DBNDD1: variants seen among roughly 807,000 people sequenced by gnomAD.
The protein encoded by DBNDD1 is dysbindin domain containing 1.
Under a neutral mutation model 17.0 loss-of-function variants are expected in DBNDD1, and 14 were observed. The observed-to-expected ratio is 0.82, with a 90% CI of 0.54 to 1.29. The LOEUF is 1.29. DBNDD1 is among the 50% of genes most tolerant of loss of function. The pLI is 0.00. For synonymous variants in DBNDD1, 105 were observed against 102.0 expected (o/e 1.03, Z -0.18); for missense variants, 221 against 216.2 (o/e 1.02, Z -0.14).
rs947216755 is a variant in DBNDD1, at chr16:90,006,112, G to A, written c.*223C>T. 12 of 637,776 alleles carry A rather than the reference G, an allele frequency of 1.9e-5. No individual in the cohort carries two copies. The highest frequency in any genetic ancestry group is 2.8e-5 in the Non-Finnish European group (11 of 392,324). The allele number at this position is 637,776 out of a possible 1,614,324, so 39.5% of individuals were successfully genotyped here. A position where few individuals can be genotyped will look rare whatever the true frequency, so the allele number is the denominator to read the frequency against. ...CCAGAGGCATCCGGGGGCCCCGTGT[G>A]TCCCCCAGGAAAGCCGGCTGGTCTC... On this transcript the variant is annotated 3_prime_UTR_variant, in exon 4 of 4. Transcript: ENST00000002501.
At chr16:90,011,149 C>T (rs1408842311) in intron 1 of DBNDD1, among the ~76,000 whole-genome samples, 2 of 152,244 alleles carry the variant, frequency 1.3e-5, no homozygotes, top group African/African-American at 4.8e-5. Context: ...CAGCCCCCAG[C>T]GGTGAGCACT....
At chr16:90,016,803 C>A (rs2035649256) in intron 1 of DBNDD1, among the ~76,000 whole-genome samples, 1 of 152,234 alleles carries the variant, frequency 6.6e-6, no homozygotes, top group African/African-American at 2.4e-5. Flanking sequence ...ATCGAGGAGG[C>A]ACTTGGCACA....
chr16:90,008,096 C>T (rs57349948), intron 3 of DBNDD1, among the ~76,000 whole-genome samples: 1 of 121,540 alleles, frequency 8.2e-6, no homozygotes, highest in Non-Finnish European at 1.7e-5. Flanking sequence ...CAGCCCACCA[C>T]ACACACCTCC....
upstream of DBNDD1, chr16:90,019,788 C>G (rs963782757): frequency 1.0e-5 from 7 of 690,562 alleles, no homozygotes; most frequent in Non-Finnish European, 1.8e-5. The surrounding 1 kb of genome is among the most constrained non-coding windows in gnomAD (Gnocchi z 6.1). Flanking sequence ...TGTGGGGCGC[C>G]GACTGTGTGC....
At chr16:90,013,985 C>A (rs914219264) in intron 1 of DBNDD1, among the ~76,000 whole-genome samples, 1 of 151,610 alleles carries the variant, frequency 6.6e-6, no homozygotes, top group Non-Finnish European at 1.5e-5. Flanking sequence ...CAGCTGGGGG[C>A]TGTGAGGCAG....
chr16:90,013,278 A>AAAAAAAAAAAAAAAAAAAAAAAAAAAAAC (rs1382498689), intron 1 of DBNDD1, among the ~76,000 whole-genome samples: 1 of 149,260 alleles, frequency 6.7e-6, no homozygotes, highest in Non-Finnish European at 1.5e-5. Context: ...AAAAAAAAAA[A>AAAAAAAAAAAAAAAAAAAAAAAAAAAAAC]AAAAAGACAG....
intron 3 of DBNDD1, 105 bp from the exon 4 acceptor site, chr16:90,006,597 T>C: frequency 7.1e-7 from 1 of 1,404,492 alleles, no homozygotes; most frequent in Non-Finnish European, 9.6e-7. Context: ...GCCAATGCTC[T>C]GCACCAGCCC....
chr16:90,009,723 G>T, intron 1 of DBNDD1: 1 of 624,764 alleles, frequency 1.6e-6, no homozygotes, highest in East Asian at 2.8e-5. Flanking sequence ...GACCATGCAG[G>T]CGTGGAAGTC....
rs1213552873 is a variant in DBNDD1 at position 90,019,348 on chromosome 16, G to C, written c.-7C>G. The C allele has an allele frequency of 1.6e-6, 2 of 1,217,070 alleles. No individual in the cohort carries two copies. Among genetic ancestry groups the C allele is most frequent in the Non-Finnish European group, 1.0e-6 (1 of 978,254 alleles). The allele number at this position is 1,217,070 out of a possible 1,614,324, so 75.4% of individuals were successfully genotyped here. On this transcript the variant is annotated 5_prime_UTR_variant, in exon 1 of 4. Coordinates refer to ENST00000002501, the MANE Select transcript of DBNDD1 (RefSeq NM_001042610.3). The surrounding 1 kb of genome is among the most constrained non-coding windows in gnomAD (Gnocchi z 6.1). ...CGCCCTCCGGGGGCTCCATGCGGCC[G>C]GTGCGGTCTGGGAGGGGCACGGGCG...
intron 3 of DBNDD1, 39 bp downstream of exon 3, chr16:90,008,745 C>G (rs1254822199): frequency 6.4e-7 from 1 of 1,574,028 alleles, no homozygotes; most frequent in Non-Finnish European, 8.6e-7. Context: ...CTCAGCCCAC[C>G]AGGCACACCT....
intron 1 of DBNDD1, among the ~76,000 whole-genome samples, chr16:90,013,098 A>G (rs2035582907): frequency 6.6e-6 from 1 of 151,404 alleles, no homozygotes. Flanking sequence ...CAGGTGGGGC[A>G]GGTGGTTCTG....
At position 90,019,237 on chromosome 16, in the gene DBNDD1, C is replaced by A. The variant is rs1311383154; in HGVS notation, c.31+74G>T. 2.6e-6 allele frequency: 2 copies of A among 775,196 alleles called. No homozygotes were observed. Among genetic ancestry groups the A allele is most frequent in the Non-Finnish European group, 3.5e-6 (2 of 576,108 alleles). The allele number at this position is 775,196 out of a possible 1,614,324, so 48.0% of individuals were successfully genotyped here. On this transcript the variant is annotated intron_variant, in intron 1 of 3. Transcript: ENST00000002501. This position sits in a 1 kb window ranked among gnomAD's most constrained non-coding sequence, Gnocchi z 6.1. Reference sequence around the variant, plus strand: ...ACTCCCGGGAGCGGCGAAGGGTGAGCCCTGGGGGGAGGGGCTGCGGCTCGC... The same window carrying A: ...ACTCCCGGGAGCGGCGAAGGGTGAGACCTGGGGGGAGGGGCTGCGGCTCGC...
intron 1 of DBNDD1, chr16:90,011,601 G>A (rs375585388): frequency 4.4e-5 from 20 of 450,880 alleles, no homozygotes; most frequent in South Asian, 6.3e-5. Flanking sequence ...CTGAGAAGCC[G>A]AGTGCTGTGT....
upstream of DBNDD1, chr16:90,019,796 T>G (rs2035746792): frequency 1.5e-6 from 1 of 688,680 alleles, no homozygotes; most frequent in Admixed American, 2.2e-5. The surrounding 1 kb of genome is among the most constrained non-coding windows in gnomAD (Gnocchi z 6.1). Context: ...GCCGACTGTG[T>G]GCGGGCGCCC....
At chr16:90,018,392 G>A (rs1283965681) in intron 1 of DBNDD1, among the ~76,000 whole-genome samples, 1 of 152,246 alleles carries the variant, frequency 6.6e-6, no homozygotes, top group African/African-American at 2.4e-5. Flanking sequence ...GGCTCCAGAG[G>A]ATGCCACTGT....
In DBNDD1 at chr16:90,014,733, G is replaced by A. The variant is rs529850309; in HGVS notation, c.31+4578C>T. 6.0e-4 allele frequency among the ~76,000 whole-genome samples: 92 copies of A among 152,186 alleles called. 1 individual carries two copies. Among genetic ancestry groups the A allele is most frequent in the East Asian group, 1.9e-4 (1 of 5,132 alleles). On this transcript the variant is annotated intron_variant, in intron 1 of 3. Coordinates refer to ENST00000002501, the MANE Select transcript of DBNDD1 (RefSeq NM_001042610.3). Reference sequence around the variant, plus strand: ...AAGAAGTATCCTTTCGGCCGGGCGCGGTGGCTCACGCCTGTAATCCCAGCA... The same window carrying A: ...AAGAAGTATCCTTTCGGCCGGGCGCAGTGGCTCACGCCTGTAATCCCAGCA...
At chr16:90,018,624 G>T (rs111421176) in intron 1 of DBNDD1, among the ~76,000 whole-genome samples, 5 of 152,228 alleles carry the variant, frequency 3.3e-5, no homozygotes, top group African/African-American at 1.2e-4. Flanking sequence ...GATCGGGAAG[G>T]GGGGAGGTTC....
chr16:90,017,346 T>C (rs188645944), intron 1 of DBNDD1, among the ~76,000 whole-genome samples: 2,742 of 152,096 alleles, frequency 0.018, 42 homozygotes, highest in Non-Finnish European at 0.024. Flanking sequence ...GTACAAAAAA[T>C]CAGCCAGGTG....
intron 1 of DBNDD1, among the ~76,000 whole-genome samples, chr16:90,017,363 C>G (rs550010892): frequency 6.6e-6 from 1 of 151,974 alleles, no homozygotes; most frequent in African/African-American, 2.4e-5. Flanking sequence ...GGTGTGGTGG[C>G]GGGCGCCTGT....
Sources: gnomAD v4.1 joint callset for allele counts (sites outside exome capture counted in the v4.1 genomes callset) on GRCh38, gnomAD v4.1.1 for gene constraint, Gnocchi (gnomAD v3.1) non-coding constraint, MANE v1.5 for transcripts, NCBI Gene and HGNC (gene_info 2026-07-23, HGNC 2026-07-21) for gene names.